TCERG1: variants seen among roughly 807,000 people sequenced by gnomAD.
TCERG1 encodes the protein transcription elongation regulator 1.
TCERG1 carries 37 observed loss-of-function variants against 144.7 expected under a neutral mutation model. The observed-to-expected ratio is 0.26, with a 90% CI of 0.20 to 0.34. TCERG1 has a LOEUF of 0.34. Among genes scored for constraint, TCERG1 ranks in the 10% least tolerant of loss-of-function variants. The probability of loss-of-function intolerance (pLI) is 1.00; values close to 1 mark genes in which losing one functional copy is unlikely to be tolerated. For synonymous variants in TCERG1, 492 were observed against 458.2 expected (o/e 1.07, Z -0.94); for missense variants, 1,027 against 1,380.7 (o/e 0.74, Z 4.06).
intron 15 of TCERG1, among the ~76,000 whole-genome samples, chr5:146,485,204 A>G (rs1373093547): frequency 6.6e-6 from 1 of 152,048 alleles, no homozygotes; most frequent in Non-Finnish European, 1.5e-5. Flanking sequence ...TTCTGCCTGG[A>G]CTGTTTTTCC....
chr5:146,485,649 A>T (rs1765754753), intron 15 of TCERG1, among the ~76,000 whole-genome samples: 1 of 152,188 alleles, frequency 6.6e-6, no homozygotes, highest in Non-Finnish European at 1.5e-5. Flanking sequence ...TTTCAATAAA[A>T]TCTCTAGTTA....
chr5:146,487,688 C>T (rs201734483), intron 15 of TCERG1, among the ~76,000 whole-genome samples: 6 of 150,416 alleles, frequency 4.0e-5, no homozygotes, highest in East Asian at 3.9e-4. Context: ...GAGCTATGAC[C>T]GCTACTGCAC....
In TCERG1 at chr5:146,503,962, C is replaced by T; in HGVS notation, c.2737C>T (p.Arg913Ter). The T allele has an allele frequency of 1.3e-6, 2 of 1,597,454 alleles. No individual in the cohort carries two copies. The highest frequency in any genetic ancestry group is 8.5e-7 in the Non-Finnish European group (1 of 1,174,064). ...AGATCGAGAGAGAGAGCAGCACAAA[C>T]GAGAAGAAGCTATCCAGAATTTCAA... Reference protein sequence around the residue: ...EIDREREQHKREEAIQNFKAL... With the variant: ...EIDREREQHK Residue 913 changes from arginine to a stop codon, truncating the protein, a stop_gained, in exon 19 of 23, where the codon CGA becomes TGA. Transcript: ENST00000679501. LOFTEE classifies it high-confidence loss of function.
intron 16 of TCERG1, among the ~76,000 whole-genome samples, chr5:146,494,869 C>G (rs919885244): frequency 6.6e-6 from 1 of 152,112 alleles, no homozygotes; most frequent in African/African-American, 2.4e-5. Context: ...TCACTACTAT[C>G]TCCCTGTCAC....
chr5:146,462,388 A>G (rs1188861692), intron 4 of TCERG1, among the ~76,000 whole-genome samples: 1 of 152,224 alleles, frequency 6.6e-6, no homozygotes, highest in East Asian at 1.9e-4. Context: ...AATTACCAAA[A>G]TGAATTTTAT....
chr5:146,479,882 T>C lies in TCERG1; in HGVS notation c.1790T>C (p.Ile597Thr), dbSNP rs1401320296. ...LRHPTPTMLS[I>T]QKWQFSMSAI... ...CACCCAACTCCGACAATGCTGTCGA[T>C]CCAAAAGTGGCAATTCTCTATGAGT... The change falls in exon 11 of 23, where the codon ATC (isoleucine) becomes ACC (threonine). Residue 597 changes from isoleucine to threonine, a missense_variant. Physicochemically the swap from Ile to Thr is moderately conservative, Grantham distance 89. Transcript: ENST00000679501. The C allele has an allele frequency of 6.2e-7, 1 of 1,613,570 alleles. No individual in the cohort carries two copies. Among genetic ancestry groups the C allele is most frequent in the Admixed American group, 1.7e-5 (1 of 60,000 alleles).
intron 15 of TCERG1, among the ~76,000 whole-genome samples, chr5:146,489,288 T>G (rs1252349515): frequency 6.6e-6 from 1 of 152,186 alleles, no homozygotes; most frequent in African/African-American, 2.4e-5. Flanking sequence ...TAAACACATT[T>G]CGATTGCACA....
At position 146,459,184 on chromosome 5, in the gene TCERG1, G is replaced by A; in HGVS notation, c.739G>A (p.Val247Ile). 1 of 1,614,082 alleles carries A rather than the reference G, an allele frequency of 6.2e-7. No homozygotes were observed. The highest frequency in any genetic ancestry group is 8.5e-7 in the Non-Finnish European group (1 of 1,179,928). ...GGCCCAGGCTCAGGTCCAGGCCCAGGTCCAGGCACAAGTGCAAGCACAAGC... is the reference window on the plus strand; with the variant it reads ...GGCCCAGGCTCAGGTCCAGGCCCAGATCCAGGCACAAGTGCAAGCACAAGC... ...AQAQAQVQAQVQAQVQAQAVG... is the reference protein window; with the variant it reads ...AQAQAQVQAQIQAQVQAQAVG... The change falls in exon 4 of 23, where the codon GTC becomes ATC. Residue 247 changes from valine (V) to isoleucine (I), a missense_variant. Transcript: ENST00000679501.
chr5:146,496,512 C>T (rs1442221831), intron 16 of TCERG1, among the ~76,000 whole-genome samples: 6 of 152,136 alleles, frequency 3.9e-5, no homozygotes, highest in Non-Finnish European at 5.9e-5. Flanking sequence ...TGTCAACTCT[C>T]ATGTTAATCC....
rs1259299508 is a variant in TCERG1 at position 146,478,667 on chromosome 5, T to A, written c.1762+14T>A. The stretch of plus-strand genomic sequence containing the variant: ...TGAAGAAACTAAGTAAGTTTTAAAT[T>A]AGGAATTTATCCACTGATTTTAACA... On this transcript the variant is annotated intron_variant, in intron 10 of 22. Transcript: ENST00000679501. 6.4e-7 allele frequency: 1 copy of A among 1,560,610 alleles called. No homozygotes were observed. Among genetic ancestry groups the A allele is most frequent in the Non-Finnish European group, 8.6e-7 (1 of 1,159,002 alleles).
In TCERG1 at chr5:146,459,168, T is replaced by G; in HGVS notation, c.723T>G (p.Ala241=). 6.2e-7 allele frequency: 1 copy of G among 1,611,582 alleles called. No homozygotes were observed. The change falls in exon 4 of 23, where the codon GCT becomes GCG. Residue 241 remains alanine, a synonymous_variant. Transcript: ENST00000679501. ...CACAAGCTCAGGCCCAGGCCCAGGCTCAGGTCCAGGCCCAGGTCCAGGCAC... is the reference window on the plus strand; with the variant it reads ...CACAAGCTCAGGCCCAGGCCCAGGCGCAGGTCCAGGCCCAGGTCCAGGCAC... ...AQAQAQAQAQ[A]QVQAQVQAQV...
At chr5:146,502,870 G>A (rs942633830) in intron 17 of TCERG1, among the ~76,000 whole-genome samples, 5 of 152,104 alleles carry the variant, frequency 3.3e-5, no homozygotes, top group Middle Eastern at 3.4e-3. Flanking sequence ...GTATAAGTTT[G>A]TAATGACTTG....
intron 17 of TCERG1, 90 bp from the exon 18 acceptor site, chr5:146,503,284 CT>C (rs1032649527): frequency 1.6e-4 from 213 of 1,291,420 alleles, no homozygotes; most frequent in Non-Finnish European, 2.0e-4. Flanking sequence ...GGTAGGTGAA[CT>C]TTTTTTCTAG....
intron 17 of TCERG1, among the ~76,000 whole-genome samples, chr5:146,502,515 A>G (rs1014023026): frequency 1.6e-4 from 25 of 152,216 alleles, no homozygotes; most frequent in African/African-American, 6.0e-4. Context: ...TTCCTCACCT[A>G]TTTAAATAAA....
intron 15 of TCERG1, among the ~76,000 whole-genome samples, chr5:146,489,134 T>C (rs1178699042): frequency 6.6e-6 from 1 of 152,166 alleles, no homozygotes; most frequent in East Asian, 1.9e-4. Context: ...TGGCGTTGTG[T>C]AGCCCTGTAG....
intron 5 of TCERG1, among the ~76,000 whole-genome samples, chr5:146,464,747 C>T (rs1026724475): frequency 1.3e-5 from 2 of 152,158 alleles, no homozygotes; most frequent in African/African-American, 4.8e-5. Flanking sequence ...CCTCTTGTCT[C>T]TCAAGTTCAC....
At chr5:146,488,955 T>G (rs2150663606) in intron 15 of TCERG1, among the ~76,000 whole-genome samples, 1 of 152,304 alleles carries the variant, frequency 6.6e-6, no homozygotes, top group Non-Finnish European at 1.5e-5. Context: ...AACAGAAAGA[T>G]AAACATCTTA....
At chr5:146,493,987 A>C (rs1269244414) in intron 16 of TCERG1, among the ~76,000 whole-genome samples, 6 of 152,048 alleles carry the variant, frequency 3.9e-5, no homozygotes, top group Admixed American at 3.9e-4. Context: ...TTTAAGAAGA[A>C]TGTTTAATAT....
intron 1 of TCERG1, among the ~76,000 whole-genome samples, chr5:146,447,893 C>G (rs897557315): frequency 2.0e-5 from 3 of 152,258 alleles, no homozygotes; most frequent in African/African-American, 7.2e-5. Flanking sequence ...CACGTTTGCC[C>G]TTTCATTTCA....
Sources: gnomAD v4.1 joint callset for allele counts (sites outside exome capture counted in the v4.1 genomes callset) on GRCh38, gnomAD v4.1.1 for gene constraint, MANE v1.5 for transcripts, NCBI Gene and HGNC (gene_info 2026-07-23, HGNC 2026-07-21) for gene names.